The following ANKRD18A variants were observed in gnomAD, a reference collection of about 807,000 sequenced individuals.
ANKRD18A encodes ankyrin repeat domain-containing protein 18A.
Under a neutral mutation model 110.6 loss-of-function variants are expected in ANKRD18A, and 72 were observed. The ratio of observed to expected loss-of-function variants is 0.65; its 90% CI spans 0.54 to 0.79. The LOEUF is 0.79. ANKRD18A is among the 30% of genes least tolerant of loss of function. The pLI is 0.00. For missense variants in ANKRD18A, 934 were observed against 1,163.3 expected, an observed-to-expected ratio of 0.80 and a Z score of 2.87; for synonymous variants, 305 against 410.3, an observed-to-expected ratio of 0.74 and a Z score of 3.10.
At position 38,603,167 on chromosome 9, in the gene ANKRD18A, C is replaced by G. The variant is rs562929778; in HGVS notation, c.854G>C (p.Arg285Pro). The G allele has an allele frequency of 6.4e-7, 1 of 1,550,850 alleles. No individual in the cohort carries two copies. The highest frequency in any genetic ancestry group is 1.2e-5 in the South Asian group (1 of 84,042). The change falls in exon 7 of 16, where the codon CGT becomes CCT. Residue 285 changes from arginine (R) to proline (P), a missense_variant. Arg to Pro is a moderately radical substitution (Grantham distance 103). This residue lies in a region of ANKRD18A where 630 missense variants were observed against 797.5 expected (regional missense o/e 0.79). Coordinates refer to ENST00000399703, the MANE Select transcript of ANKRD18A (RefSeq NM_147195.4). ...KPANLKKRKE[R>P]AKAEHNLKVA... ...GAACTCAAGTGTCTTACCTTTTGCA[C>G]GTTCTTTTCTTTTTTTCAAATTTGC...
chr9:38,601,102 T>G (rs1440720483), intron 8 of ANKRD18A, 29 bp downstream of exon 8: 1 of 1,539,226 alleles, frequency 6.5e-7, no homozygotes, highest in Admixed American at 2.0e-5. Flanking sequence ...CAAACCAGTA[T>G]TAAACCAGAA....
chr9:38,585,887 C>T (rs1477983519), intron 12 of ANKRD18A, among the ~76,000 whole-genome samples: 2 of 151,858 alleles, frequency 1.3e-5, no homozygotes, highest in African/African-American at 4.9e-5. Context: ...AGCTGTTATC[C>T]TCAGCACACT....
At chr9:38,578,876 A>G (rs577823305) in intron 12 of ANKRD18A, among the ~76,000 whole-genome samples, 58 of 152,304 alleles carry the variant, frequency 3.8e-4, no homozygotes, top group African/African-American at 1.3e-3. Flanking sequence ...GACAAAGACA[A>G]TATCTCAAAA....
intron 12 of ANKRD18A, among the ~76,000 whole-genome samples, chr9:38,583,760 T>C (rs938021747): frequency 2.6e-5 from 4 of 152,174 alleles, no homozygotes; most frequent in African/African-American, 9.7e-5. Context: ...AATGGTTACA[T>C]AAAATGTTTA....
intron 6 of ANKRD18A, among the ~76,000 whole-genome samples, chr9:38,606,325 T>C (rs1181216856): frequency 6.6e-6 from 1 of 152,212 alleles, no homozygotes; most frequent in Non-Finnish European, 1.5e-5. Context: ...GGTCCACTTA[T>C]ACGCAGATTT....
Position 38,577,269 on chromosome 9 carries a change from A to C in ANKRD18A, c.2530-5T>G. On this transcript the variant is annotated splice_polypyrimidine_tract_variant and splice_region_variant and intron_variant, in intron 13 of 15. Coordinates refer to ENST00000399703, the MANE Select transcript of ANKRD18A (RefSeq NM_147195.4). ...TTTTTCATATTCTGCTTGTTTCTAA[A>C]ACAAATGAAAAGAATACACTTTTAA... 6.6e-7 allele frequency: 1 copy of C among 1,518,402 alleles called. No homozygotes were observed. The allele number at this position is 1,518,402 out of a possible 1,614,324, so 94.1% of individuals were successfully genotyped here.
intron 6 of ANKRD18A, among the ~76,000 whole-genome samples, chr9:38,605,935 T>C (rs549946418): frequency 4.0e-4 from 61 of 152,232 alleles, no homozygotes; most frequent in African/African-American, 1.4e-3. Flanking sequence ...CTTGTTCCAA[T>C]AAAATTACTA....
intron 13 of ANKRD18A, 80 bp from the exon 14 acceptor site, chr9:38,577,344 A>T: frequency 7.2e-7 from 1 of 1,386,490 alleles, no homozygotes. Context: ...ATTTTGAATC[A>T]GTGATTCGAA....
chr9:38,580,363 G>C (rs1045821124), intron 12 of ANKRD18A, among the ~76,000 whole-genome samples: 1 of 152,154 alleles, frequency 6.6e-6, no homozygotes, highest in African/African-American at 2.4e-5. Context: ...TCAAATCACT[G>C]TCTCTAGCCT....
chr9:38,614,330 C>T (rs1287574186), intron 3 of ANKRD18A, among the ~76,000 whole-genome samples: 7 of 145,458 alleles, frequency 4.8e-5, no homozygotes, highest in South Asian at 2.3e-4. Context: ...TGGTCTCCAT[C>T]TCCTGACCTC....
At chr9:38,617,473 A>G (rs748422520) in intron 1 of ANKRD18A, among the ~76,000 whole-genome samples, 2 of 152,008 alleles carry the variant, frequency 1.3e-5, no homozygotes, top group South Asian at 4.1e-4. Context: ...ACAAAAAGAA[A>G]CGTGAAGCTA....
chr9:38,600,623 T>C (rs945306743), intron 8 of ANKRD18A, among the ~76,000 whole-genome samples: 1 of 152,192 alleles, frequency 6.6e-6, no homozygotes. Flanking sequence ...GTTGGATTGC[T>C]TTTATGACCC....
intron 4 of ANKRD18A, 96 bp from the exon 5 acceptor site, chr9:38,610,506 C>T (rs1449044981): frequency 6.9e-7 from 1 of 1,449,270 alleles, no homozygotes; most frequent in Non-Finnish European, 9.1e-7. Flanking sequence ...TCTTGCCTGT[C>T]AGGATAGACA....
chr9:38,607,808 A>G (rs527566188), intron 5 of ANKRD18A, among the ~76,000 whole-genome samples: 292 of 152,356 alleles, frequency 1.9e-3, no homozygotes, highest in Non-Finnish European at 3.0e-3. Flanking sequence ...TTTTCAGACC[A>G]GTTGCTTCTC....
chr9:38,586,288 TGTCATTTCTA>T lies in ANKRD18A; in HGVS notation c.2132_2141del (p.Leu711GlnfsTer2). 6.3e-7 allele frequency: 1 copy of T among 1,597,388 alleles called. No individual in the cohort carries two copies. The highest frequency in any genetic ancestry group is 1.3e-5 in the African/African-American group (1 of 74,524). ...TTGCAAATGCATTTAACATATTTAT[TGTCATTTCTA>T]GGCATTTCTTATATCTGCAGAAATG... On this transcript the variant is annotated frameshift_variant, in exon 12 of 16. Coordinates refer to ENST00000399703, the MANE Select transcript of ANKRD18A (RefSeq NM_147195.4). LOFTEE classifies it high-confidence loss of function.
downstream of ANKRD18A, chr9:38,567,411 G>A (rs1823508518): frequency 6.6e-6 from 1 of 152,232 alleles, no homozygotes; most frequent in South Asian, 2.1e-4. Flanking sequence ...CAATTCCTGG[G>A]TGACCTTTTG....
chr9:38,595,272 T>A (rs975852139), intron 9 of ANKRD18A, among the ~76,000 whole-genome samples: 1 of 152,142 alleles, frequency 6.6e-6, no homozygotes, highest in African/African-American at 2.4e-5. Context: ...CCATTAGCAG[T>A]CACGACCCGC....
chr9:38,580,887 GA>G (rs1427931529), intron 12 of ANKRD18A, among the ~76,000 whole-genome samples: 3 of 151,726 alleles, frequency 2.0e-5, no homozygotes, highest in African/African-American at 4.8e-5. Flanking sequence ...CCCAGATTGT[GA>G]GAGAGATCAG....
Position 38,595,946 on chromosome 9 carries a change from A to T in ANKRD18A, c.1394T>A (p.Leu465Gln). The T allele has an allele frequency of 6.4e-7, 1 of 1,550,698 alleles. No homozygotes were observed. Residue 465 changes from leucine to glutamine, a missense_variant, in exon 9 of 16, where the codon CTA becomes CAA. By Grantham distance (113) the Leu-to-Gln change is moderately radical (BLOSUM62 -2). Coordinates refer to ENST00000399703, the MANE Select transcript of ANKRD18A (RefSeq NM_147195.4). The part of the protein sequence containing the change: ...HEKMGSNISQ[L>Q]TDKNELLTEQ... ...AGTAAGCAACTCATTCTTATCTGTTAGTTGAGAAATATTAGAACCCATTTT... is the reference window on the plus strand; with the variant it reads ...AGTAAGCAACTCATTCTTATCTGTTTGTTGAGAAATATTAGAACCCATTTT...
Sources: allele counts gnomAD v4.1 joint callset (sites outside exome capture counted in the v4.1 genomes callset), GRCh38; gene constraint gnomAD v4.1.1; regional missense constraint gnomAD v4.1.1; transcripts MANE v1.5; gene names NCBI Gene and HGNC (gene_info 2026-07-23, HGNC 2026-07-21).